The following PRSS55 variants were observed in gnomAD, a reference collection of about 807,000 sequenced individuals.
PRSS55 encodes serine protease 55.
PRSS55 carries 41 observed loss-of-function variants against 23.6 expected under a neutral mutation model. The ratio of observed to expected loss-of-function variants is 1.74; its 90% confidence interval spans 1.35 to 2.26. The LOEUF (loss-of-function observed/expected upper bound fraction) is 2.26, where lower values mean the gene tolerates loss of function less well. Among genes scored for constraint, PRSS55 ranks in the 30% most tolerant of loss-of-function variants. The probability of loss-of-function intolerance (pLI) is 0.00; values close to 1 mark genes in which losing one functional copy is unlikely to be tolerated. For missense variants in PRSS55, 669 were observed against 439.1 expected (o/e 1.52, Z -4.68); for synonymous variants, 262 against 175.5 (o/e 1.49, Z -3.90).
intron 4 of PRSS55, among the ~76,000 whole-genome samples, chr8:10,548,021 G>A (rs1278774078): frequency 2.6e-5 from 4 of 152,124 alleles, no homozygotes; most frequent in Non-Finnish European, 5.9e-5. Context: ...GGAAGGCCCG[G>A]ATGAGAGCAG....
intron 4 of PRSS55, chr8:10,545,191 A>C: frequency 6.6e-6 from 1 of 151,334 alleles, no homozygotes; most frequent in Non-Finnish European, 1.2e-5. Context: ...ATAAAATGCA[A>C]GCCCACACTA....
intron 4 of PRSS55, among the ~76,000 whole-genome samples, chr8:10,536,882 G>C (rs1204089294): frequency 2.0e-5 from 3 of 152,188 alleles, no homozygotes; most frequent in Non-Finnish European, 4.4e-5. Context: ...AGGGTATGAA[G>C]AGGGTAAGTA....
chr8:10,552,239 T>G (rs1812967905), intron 4 of PRSS55, among the ~76,000 whole-genome samples: 1 of 152,252 alleles, frequency 6.6e-6, no homozygotes, highest in African/African-American at 2.4e-5. Context: ...AGATTGGAAC[T>G]TTTAAAGAAT....
At chr8:10,546,613 G>A (rs938195262) in intron 4 of PRSS55, among the ~76,000 whole-genome samples, 4 of 152,102 alleles carry the variant, frequency 2.6e-5, no homozygotes, top group Admixed American at 1.3e-4. Context: ...CCTCCAGGAA[G>A]CCCTCCTGGT....
intron 1 of PRSS55, 109 bp downstream of exon 1, chr8:10,525,848 T>C (rs892580690): frequency 8.6e-7 from 1 of 1,167,638 alleles, no homozygotes; most frequent in African/African-American, 1.5e-5. Flanking sequence ...GCTCCCCACA[T>C]ACCCCTTCTC....
chr8:10,551,100 T>G (rs1466413720), intron 4 of PRSS55, among the ~76,000 whole-genome samples: 1 of 152,190 alleles, frequency 6.6e-6, no homozygotes, highest in Non-Finnish European at 1.5e-5. Context: ...TTGAGCACTT[T>G]CCAAGACCCC....
At position 10,538,683 on chromosome 8, in the gene PRSS55, C is replaced by G; in HGVS notation, c.949C>G (p.Gln317Glu). 6.2e-7 allele frequency: 1 copy of G among 1,614,206 alleles called. No homozygotes were observed. The highest frequency in any genetic ancestry group is 8.5e-7 in the Non-Finnish European group (1 of 1,180,020). Residue 317 changes from glutamine (Q) to glutamate (E), a missense_variant, in exon 5 of 5, where the codon CAG becomes GAG. Coordinates refer to ENST00000328655, the MANE Select transcript of PRSS55 (RefSeq NM_198464.4). ...AGAGAAAAGGAGGACTTCTGTCAAA[C>G]AGAAACCTATGGGCTCCCCAGTCTC... Reference protein sequence around the residue: ...NAEKRRTSVKQKPMGSPVSGV... With the variant: ...NAEKRRTSVKEKPMGSPVSGV...
In PRSS55 at chr8:10,538,767, GTGT is replaced by G. The variant is rs1285701474; in HGVS notation, c.1038_1040del (p.Leu346del). On this transcript the variant is annotated inframe_deletion, in exon 5 of 5. Transcript: ENST00000328655. ...GCTCCTGCTCTGTCCCCTGTCCCAT[GTGT>G]TGTTCAGAGCTATTTTGTACTGATA... is the stretch of plus-strand genomic sequence containing the variant. The G allele has an allele frequency of 6.3e-7, 1 of 1,594,342 alleles. No individual in the cohort carries two copies. The highest frequency in any genetic ancestry group is 8.5e-7 in the Non-Finnish European group (1 of 1,172,408).
At chr8:10,527,809 G>C (rs1381938208) in intron 1 of PRSS55, among the ~76,000 whole-genome samples, 2 of 152,204 alleles carry the variant, frequency 1.3e-5, no homozygotes, top group Admixed American at 1.3e-4. Flanking sequence ...TACCTCAATA[G>C]GGCAGTTATG....
chr8:10,531,707 C>A, intron 3 of PRSS55, 162 bp downstream of exon 3: 1 of 974,488 alleles, frequency 1.0e-6, no homozygotes, highest in Non-Finnish European at 1.5e-6. Flanking sequence ...GTGCCGAAAC[C>A]CCAAGGTGAG....
At chr8:10,528,561 C>A (rs991053823) in intron 1 of PRSS55, among the ~76,000 whole-genome samples, 2 of 152,226 alleles carry the variant, frequency 1.3e-5, no homozygotes, top group Admixed American at 1.3e-4. Context: ...AGCACAGGCG[C>A]TACAGCTTTG....
Position 10,532,997 on chromosome 8 carries a change from C to T in PRSS55, c.690C>T (p.Thr230=). ...GTTCAAAGATGTTTCCAAAACTTAC[C>T]AAAAATATGCTGTGTGCCGGATACA... ...EECSKMFPKL[T]KNMLCAGYKN... Residue 230 remains threonine, a synonymous_variant, in exon 4 of 5, where the codon ACC becomes ACT. Transcript: ENST00000328655. 6.2e-7 allele frequency: 1 copy of T among 1,614,098 alleles called. No homozygotes were observed. Among genetic ancestry groups the T allele is most frequent in the Non-Finnish European group, 8.5e-7 (1 of 1,180,032 alleles).
At chr8:10,533,845 A>G (rs554121914) in intron 4 of PRSS55, among the ~76,000 whole-genome samples, 1 of 152,204 alleles carries the variant, frequency 6.6e-6, no homozygotes, top group Admixed American at 6.5e-5. Context: ...AGGCTGCCCC[A>G]TGGAAAAGAA....
chr8:10,532,128 C>A (rs570434820), intron 3 of PRSS55, among the ~76,000 whole-genome samples: 20 of 152,254 alleles, frequency 1.3e-4, no homozygotes, highest in African/African-American at 4.8e-4. Context: ...CAAAGCATTG[C>A]GTCAGCCTGA....
At chr8:10,533,937 G>T (rs1420930750) in intron 4 of PRSS55, among the ~76,000 whole-genome samples, 1 of 152,164 alleles carries the variant, frequency 6.6e-6, no homozygotes, top group East Asian at 1.9e-4. Flanking sequence ...TGAGAGGTGG[G>T]TACTGAAACA....
At chr8:10,539,260 G>A (rs1456519096), downstream of PRSS55, among the ~76,000 whole-genome samples, 1 of 152,226 alleles carries the variant, frequency 6.6e-6, no homozygotes, top group Non-Finnish European at 1.5e-5. Context: ...TCAGTGGATT[G>A]GACAAGGCCC....
downstream of PRSS55, chr8:10,540,285 T>A (rs952442295): frequency 2.0e-5 from 3 of 152,280 alleles, no homozygotes; most frequent in African/African-American, 7.2e-5. Context: ...GCTTCTTTCC[T>A]CTGGATTCGA....
At chr8:10,543,427 C>T (rs1214098025), downstream of PRSS55, among the ~76,000 whole-genome samples, 915 of 12,144 alleles carry the variant, frequency 0.075, 54 homozygotes, top group East Asian at 0.39. Flanking sequence ...TTTCTTTCTT[C>T]CTTCCTTCCT....
intron 4 of PRSS55, among the ~76,000 whole-genome samples, chr8:10,553,594 A>C (rs1812997699): frequency 6.6e-6 from 1 of 152,202 alleles, no homozygotes; most frequent in Non-Finnish European, 1.5e-5. Flanking sequence ...GAATCTAAAA[A>C]ATGTGAACTC....
Sources: gnomAD v4.1 joint callset for allele counts (sites outside exome capture counted in the v4.1 genomes callset) on GRCh38, gnomAD v4.1.1 for gene constraint, MANE v1.5 for transcripts, NCBI Gene and HGNC (gene_info 2026-07-23, HGNC 2026-07-21) for gene names.